IGF2R: variants seen among roughly 807,000 people sequenced by gnomAD.
The protein encoded by IGF2R is cation-independent mannose-6-phosphate receptor.
In IGF2R, 91 loss-of-function variants were observed where a neutral mutation model predicts 270.6. The ratio of observed to expected loss-of-function variants is 0.34; its 90% CI spans 0.28 to 0.40. The LOEUF (loss-of-function observed/expected upper bound fraction) is 0.40. IGF2R is among the 10% of genes least tolerant of loss of function. The pLI is 1.00. For synonymous variants in IGF2R, 1,316 were observed against 1,258.9 expected (o/e 1.05, Z -0.96); for missense variants, 2,805 against 3,188.3 (o/e 0.88, Z 2.90).
chr6:159,980,296 G>A (rs953571610), intron 1 of IGF2R, among the ~76,000 whole-genome samples: 1 of 152,170 alleles, frequency 6.6e-6, no homozygotes, highest in Non-Finnish European at 1.5e-5. Context: ...ATCCCTAGGT[G>A]AGGGTTGCAG....
rs1778316690 is a variant in IGF2R, at chr6:160,056,367, G to T, written c.2695-57G>T. The T allele has an allele frequency of 6.0e-5, 70 of 1,166,218 alleles. 1 individual carries two copies. In the South Asian group the frequency reaches 6.5e-4, roughly 11 times the overall value. 72.2% of individuals were successfully genotyped at this position (1,166,218 alleles called of 1,614,324 possible). A position where few individuals can be genotyped will look rare whatever the true frequency, so the allele number is the denominator to read the frequency against. On this transcript the variant is annotated intron_variant, in intron 19 of 47. Coordinates refer to ENST00000356956, the MANE Select transcript of IGF2R (RefSeq NM_000876.4). The stretch of plus-strand genomic sequence containing the variant: ...TTATGTCTCAGGCGAGTATTCTTTT[G>T]GTTCTATCAAGTTCCATGTTACTGT...
At chr6:160,011,882 C>G (rs1347733972) in intron 4 of IGF2R, among the ~76,000 whole-genome samples, 1 of 152,152 alleles carries the variant, frequency 6.6e-6, no homozygotes, top group African/African-American at 2.4e-5. Context: ...CTCCTACTTT[C>G]TGTTTTTAAG....
At position 160,078,196 on chromosome 6, in the gene IGF2R, A is replaced by G. The variant is rs1778895474; in HGVS notation, c.5317-5A>G. ...TTTTAAGACCCGTGCTCTTCCTGGC[A>G]ACAGGGAACGCCTAAGCTGTTAAGG... On this transcript the variant is annotated splice_polypyrimidine_tract_variant and splice_region_variant and intron_variant, in intron 36 of 47. Coordinates refer to ENST00000356956, the MANE Select transcript of IGF2R (RefSeq NM_000876.4). 1.2e-6 allele frequency: 2 copies of G among 1,613,954 alleles called. No individual in the cohort carries two copies. Among genetic ancestry groups the G allele is most frequent in the Non-Finnish European group, 1.7e-6 (2 of 1,179,840 alleles).
At chr6:160,054,466 T>C (rs1778267123) in intron 19 of IGF2R, among the ~76,000 whole-genome samples, 1 of 152,182 alleles carries the variant, frequency 6.6e-6, no homozygotes, top group Admixed American at 6.5e-5. Flanking sequence ...TGCTGGTCGA[T>C]TGTTGTGTTG....
rs8191817 is a variant in IGF2R, at chr6:160,050,014, A to G, written c.2515-459A>G. ...GGATTGTTTATTGGTAGAAGAGTGC[A>G]GGGTGAAGTCATCGGATGGGGAGAT... On this transcript the variant is annotated intron_variant, in intron 18 of 47. Coordinates refer to ENST00000356956, the MANE Select transcript of IGF2R (RefSeq NM_000876.4). This position sits in a 1 kb window ranked among gnomAD's most constrained non-coding sequence, Gnocchi z 4.0. Among the ~76,000 whole-genome samples, 158 of 152,334 alleles carry G rather than the reference A, an allele frequency of 1.0e-3. 1 individual carries two copies. The highest frequency in any genetic ancestry group is 1.8e-3 in the Non-Finnish European group (125 of 68,030).
chr6:159,999,048 A>C (rs1784090770), intron 2 of IGF2R, among the ~76,000 whole-genome samples: 1 of 152,196 alleles, frequency 6.6e-6, no homozygotes, highest in African/African-American at 2.4e-5. Flanking sequence ...TGAGAGGCTG[A>C]AGAAGGAGGC....
At chr6:159,969,688 C>T (rs1016552435) in intron 1 of IGF2R, among the ~76,000 whole-genome samples, 4 of 152,082 alleles carry the variant, frequency 2.6e-5, no homozygotes, top group African/African-American at 7.2e-5. Flanking sequence ...GGAGCGGTCG[C>T]CCCGGCCCTT....
At position 160,010,705 on chromosome 6, in the gene IGF2R, A is replaced by G. The variant is rs1784320592; in HGVS notation, c.433A>G (p.Thr145Ala). 1.9e-6 allele frequency: 3 copies of G among 1,605,898 alleles called. No individual in the cohort carries two copies. Among genetic ancestry groups the G allele is most frequent in the South Asian group, 1.1e-5 (1 of 90,744 alleles). The change falls in exon 4 of 48, where the codon ACT becomes GCT. Residue 145 changes from threonine to alanine, a missense_variant. Physicochemically the swap from Thr to Ala is moderately conservative, Grantham distance 58 (BLOSUM62 0). Around this residue, in one of 2 missense-constraint regions of IGF2R, gnomAD observed 954 missense variants for 981.1 expected, o/e 0.97. Transcript: ENST00000356956. ...GKTLGTPEFVTATECVHYFEW... is the reference protein window; with the variant it reads ...GKTLGTPEFVAATECVHYFEW... ...TTAATAGGGAACTCCTGAATTTGTA[A>G]CTGCAACAGAATGTGTGCACTACTT...
intron 3 of IGF2R, among the ~76,000 whole-genome samples, chr6:160,009,359 A>G (rs571475789): frequency 9.2e-5 from 14 of 152,358 alleles, no homozygotes; most frequent in Admixed American, 7.8e-4. Flanking sequence ...TTGTAAAACT[A>G]CAATTCAAAG....
In IGF2R at chr6:160,045,755, A is replaced by G. The variant is rs1778054484; in HGVS notation, c.1776A>G (p.Glu592=). The change falls in exon 14 of 48, where the codon GAA becomes GAG. Residue 592 remains glutamate (E), a synonymous_variant. Transcript: ENST00000356956. ...ITLVCKPGDL[E]SAPVLRTSGE... is the part of the protein sequence containing the mutation. ...TTTCCCCATTGACAGGTGATCTGGAAAGTGCACCAGTGTTGAGAACTTCTG... is the reference window on the plus strand; with the variant it reads ...TTTCCCCATTGACAGGTGATCTGGAGAGTGCACCAGTGTTGAGAACTTCTG... 2 of 1,614,148 alleles carry G rather than the reference A, an allele frequency of 1.2e-6. No individual in the cohort carries two copies. Among genetic ancestry groups the G allele is most frequent in the Non-Finnish European group, 1.7e-6 (2 of 1,179,980 alleles).
At chr6:160,094,921 C>T (rs1386240918) in intron 44 of IGF2R, 1 of 146,320 alleles carries the variant, frequency 6.8e-6, no homozygotes, top group African/African-American at 2.6e-5. Flanking sequence ...AAAAAAGGCC[C>T]TCTGGGATGT....
At position 160,064,545 on chromosome 6, in the gene IGF2R, G is replaced by C. The variant is rs541034629; in HGVS notation, c.4017+14G>C. 1.9e-6 allele frequency: 3 copies of C among 1,613,352 alleles called. No homozygotes were observed. Among genetic ancestry groups the C allele is most frequent in the African/African-American group, 1.3e-5 (1 of 74,854 alleles). ...GGCACCCAGCGGGTGAGCATGTACC[G>C]ACGGCCCTCAGCGGGGTCTTCTCCC... On this transcript the variant is annotated intron_variant, in intron 28 of 47. Coordinates refer to ENST00000356956, the MANE Select transcript of IGF2R (RefSeq NM_000876.4).
intron 10 of IGF2R, among the ~76,000 whole-genome samples, chr6:160,038,205 A>G (rs1337932072): frequency 2.6e-5 from 4 of 152,198 alleles, no homozygotes; most frequent in Non-Finnish European, 5.9e-5. Flanking sequence ...CCAGACTGGC[A>G]ACTTGGGGAT....
chr6:160,055,403 C>G (rs1003736729), intron 19 of IGF2R, among the ~76,000 whole-genome samples: 1 of 152,110 alleles, frequency 6.6e-6, no homozygotes, highest in East Asian at 1.9e-4. Flanking sequence ...TCTCTCAGCA[C>G]TCATATAGGG....
intron 4 of IGF2R, among the ~76,000 whole-genome samples, chr6:160,016,845 C>T (rs1227540547): frequency 6.6e-6 from 1 of 152,246 alleles, no homozygotes; most frequent in East Asian, 1.9e-4. Flanking sequence ...ACATTATAGT[C>T]ACATTCTCAG....
At chr6:160,062,688 TAGA>T in intron 26 of IGF2R, 69 bp downstream of exon 26, 8 of 1,095,608 alleles carry the variant, frequency 7.3e-6, no homozygotes, top group Non-Finnish European at 1.1e-5. Context: ...AACGATGCCT[TAGA>T]TATGAGACCG....
At chr6:160,052,570 T>C (rs1489755944) in intron 19 of IGF2R, among the ~76,000 whole-genome samples, 1 of 152,156 alleles carries the variant, frequency 6.6e-6, no homozygotes, top group Admixed American at 6.5e-5. Flanking sequence ...CTTCACAGAA[T>C]TGGAAAAAAC....
rs887962828 is a variant in IGF2R, at chr6:160,073,746, C to G, written c.4948-11C>G. 6.2e-7 allele frequency: 1 copy of G among 1,610,948 alleles called. No homozygotes were observed. Among genetic ancestry groups the G allele is most frequent in the African/African-American group, 1.3e-5 (1 of 74,848 alleles). ...TTTTGTAGACTCAAAGCAGTCTTTC[C>G]TACTTAACAGACCGAATGTTCCGTG... On this transcript the variant is annotated splice_polypyrimidine_tract_variant and intron_variant, in intron 34 of 47. Transcript: ENST00000356956.
chr6:160,039,383 ATGT>A (rs1777893081), intron 10 of IGF2R, among the ~76,000 whole-genome samples: 1 of 152,182 alleles, frequency 6.6e-6, no homozygotes, highest in African/African-American at 2.4e-5. Flanking sequence ...TGTTGACCAA[ATGT>A]TGTTATGCAG....
Sources: gnomAD v4.1 joint callset for allele counts (sites outside exome capture counted in the v4.1 genomes callset) on GRCh38, gnomAD v4.1.1 for gene constraint, gnomAD v4.1.1 regional missense constraint, Gnocchi (gnomAD v3.1) non-coding constraint, MANE v1.5 for transcripts, NCBI Gene and HGNC (gene_info 2026-07-23, HGNC 2026-07-21) for gene names.